Variants in MKLN1 observed in about 807,000 individuals in gnomAD.
The protein encoded by MKLN1 is muskelin.
In MKLN1, 18 loss-of-function variants were observed where a neutral mutation model predicts 99.0. The observed-to-expected ratio is 0.18, with a 90% CI of 0.13 to 0.27. MKLN1 has a LOEUF of 0.27. Among genes scored for constraint, MKLN1 ranks in the 10% least tolerant of loss-of-function variants. The pLI is 1.00. For synonymous variants in MKLN1, 288 were observed against 293.2 expected (o/e 0.98, Z 0.18); for missense variants, 621 against 875.9 (o/e 0.71, Z 3.67).
intron 3 of MKLN1, among the ~76,000 whole-genome samples, chr7:131,245,018 G>C (rs191914717): frequency 6.6e-6 from 1 of 152,276 alleles, no homozygotes; most frequent in East Asian, 1.9e-4. Context: ...TGGACTAGAA[G>C]GGACGAATGA....
chr7:131,220,371 G>A (rs1297108780), intron 3 of MKLN1, among the ~76,000 whole-genome samples: 1 of 152,098 alleles, frequency 6.6e-6, no homozygotes, highest in African/African-American at 2.4e-5. Context: ...CAAAGCTTCT[G>A]TATCTCATTG....
chr7:131,472,909 C>T (rs560427367), intron 16 of MKLN1, among the ~76,000 whole-genome samples: 2 of 138,250 alleles, frequency 1.4e-5, no homozygotes, highest in East Asian at 4.2e-4. Context: ...GATCGTGCCA[C>T]TGCACTGCAG....
chr7:131,274,188 G>C (rs932074440), intron 3 of MKLN1, among the ~76,000 whole-genome samples: 1 of 152,096 alleles, frequency 6.6e-6, no homozygotes, highest in African/African-American at 2.4e-5. Context: ...GGGGGAGGTC[G>C]TTTGTTCAAA....
chr7:131,354,427 T>G (rs1384154176), intron 1 of MKLN1, among the ~76,000 whole-genome samples: 2 of 151,962 alleles, frequency 1.3e-5, no homozygotes, highest in African/African-American at 4.8e-5. Flanking sequence ...TTTCACATGT[T>G]TAGTGTTAGT....
At chr7:131,263,229 G>A (rs1038571654) in intron 3 of MKLN1, among the ~76,000 whole-genome samples, 1 of 151,784 alleles carries the variant, frequency 6.6e-6, no homozygotes, top group African/African-American at 2.4e-5. Flanking sequence ...TTTTAAGACC[G>A]GGCATGGTGG....
chr7:131,392,907 ATT>A (rs761089064), intron 4 of MKLN1, among the ~76,000 whole-genome samples: 22 of 142,218 alleles, frequency 1.5e-4, no homozygotes, highest in Admixed American at 3.5e-4. Context: ...GCCTGGCCTA[ATT>A]TTTTTTTTTT....
intron 3 of MKLN1, among the ~76,000 whole-genome samples, chr7:131,229,762 C>T (rs987831860): frequency 7.2e-5 from 11 of 152,002 alleles, no homozygotes; most frequent in African/African-American, 1.2e-4. Context: ...CCATGTTGCC[C>T]GGGCTGGTGT....
At chr7:131,353,679 T>G (rs1799784774) in intron 1 of MKLN1, among the ~76,000 whole-genome samples, 1 of 152,090 alleles carries the variant, frequency 6.6e-6, no homozygotes, top group South Asian at 2.1e-4. Flanking sequence ...TTGTATAAGA[T>G]CTCCTTGCCT....
At chr7:131,463,193 C>T in intron 12 of MKLN1, 24 bp from the exon 13 acceptor site, 1 of 1,561,842 alleles carries the variant, frequency 6.4e-7, no homozygotes, top group South Asian at 1.1e-5. Context: ...ATATTTTCAT[C>T]TTATTTTTTT....
At chr7:131,377,747 C>T (rs1793707231) in intron 2 of MKLN1, among the ~76,000 whole-genome samples, 1 of 152,224 alleles carries the variant, frequency 6.6e-6, no homozygotes, top group Admixed American at 6.5e-5. Context: ...TAGTAAGCAT[C>T]TATGGAGTGC....
chr7:131,408,025 G>A (rs993319557), intron 6 of MKLN1, among the ~76,000 whole-genome samples: 1 of 151,838 alleles, frequency 6.6e-6, no homozygotes. Flanking sequence ...TATTCTCCTA[G>A]GCCTTTTACG....
chr7:131,119,148 C>T (rs777036657), intron 1 of MKLN1, among the ~76,000 whole-genome samples: 4 of 152,214 alleles, frequency 2.6e-5, no homozygotes, highest in Non-Finnish European at 4.4e-5. Flanking sequence ...GATGGGGGTA[C>T]AAGCATTGGG....
chr7:131,130,370 G>A (rs1054850754), intron 1 of MKLN1, among the ~76,000 whole-genome samples: 3 of 152,184 alleles, frequency 2.0e-5, no homozygotes, highest in African/African-American at 7.2e-5. Context: ...ATCAACGAGA[G>A]CCAACCTGGG....
chr7:131,429,046 G>A lies in MKLN1; in HGVS notation c.861G>A (p.Leu287=). ...VIDVQTETVY[L]FGGWDGTQDL... ...TGATTTTCATAGAGACTGTTTATTT[G>A]TTTGGTGGCTGGGATGGAACACAAG... The change falls in exon 9 of 18, where the codon TTG becomes TTA. Residue 287 remains leucine, a synonymous_variant. Coordinates refer to ENST00000352689, the MANE Select transcript of MKLN1 (RefSeq NM_013255.5). The A allele has an allele frequency of 6.2e-7, 1 of 1,611,984 alleles. No homozygotes were observed. Among genetic ancestry groups the A allele is most frequent in the South Asian group, 1.1e-5 (1 of 90,968 alleles).
intron 1 of MKLN1, among the ~76,000 whole-genome samples, chr7:131,123,061 A>G (rs1795401035): frequency 7.0e-6 from 1 of 142,846 alleles, no homozygotes; most frequent in Non-Finnish European, 1.5e-5. Context: ...TGTTGCTGCT[A>G]TCAGGGCCGC....
intron 12 of MKLN1, among the ~76,000 whole-genome samples, chr7:131,460,531 G>A (rs145135511): frequency 1.8e-3 from 280 of 152,358 alleles, no homozygotes; most frequent in African/African-American, 5.9e-3. Flanking sequence ...AAGATTGGGA[G>A]TTACTTTAAG....
chr7:131,188,123 G>A (rs1430315269), intron 2 of MKLN1, among the ~76,000 whole-genome samples: 3 of 152,140 alleles, frequency 2.0e-5, no homozygotes, highest in African/African-American at 7.2e-5. Context: ...CCATTAAGGA[G>A]AGAGAAGATT....
At chr7:131,167,887 T>C (rs1796149110) in intron 2 of MKLN1, among the ~76,000 whole-genome samples, 1 of 152,146 alleles carries the variant, frequency 6.6e-6, no homozygotes, top group Non-Finnish European at 1.5e-5. Flanking sequence ...GAAAATGCTA[T>C]GAGACAATGT....
intron 10 of MKLN1, among the ~76,000 whole-genome samples, chr7:131,440,842 C>T (rs964330586): frequency 2.6e-5 from 4 of 152,066 alleles, no homozygotes; most frequent in African/African-American, 9.7e-5. Context: ...AATGGGCATA[C>T]TATATTCAGA....
Sources: allele counts gnomAD v4.1 joint callset (sites outside exome capture counted in the v4.1 genomes callset), GRCh38; gene constraint gnomAD v4.1.1; transcripts MANE v1.5; gene names NCBI Gene and HGNC (gene_info 2026-07-23, HGNC 2026-07-21).